The following TCF4 variants were observed in gnomAD, a reference collection of about 807,000 sequenced individuals.
TCF4 encodes SL3-3 enhancer factor 2.
A neutral mutation model predicts 82.1 loss-of-function variants in TCF4; 3 were observed. That is an observed-to-expected ratio of 0.04 (90% CI 0.02 to 0.09). The LOEUF (loss-of-function observed/expected upper bound fraction) is 0.09. Among genes scored for constraint, TCF4 ranks in the 10% least tolerant of loss-of-function variants. The probability of loss-of-function intolerance (pLI) is 1.00; values close to 1 mark genes in which losing one functional copy is unlikely to be tolerated. For synonymous variants in TCF4, 276 were observed against 309.6 expected (o/e 0.89, Z 1.14); for missense variants, 518 against 852.7 (o/e 0.61, Z 4.89).
At chr18:55,503,536 G>A (rs1242506040) in intron 3 of TCF4, among the ~76,000 whole-genome samples, 1 of 152,184 alleles carries the variant, frequency 6.6e-6, no homozygotes, top group East Asian at 1.9e-4. Flanking sequence ...TCTACTGACA[G>A]CATCCAGATC....
chr18:55,291,015 T>C (rs2146592488), intron 8 of TCF4, among the ~76,000 whole-genome samples: 1 of 152,302 alleles, frequency 6.6e-6, no homozygotes, highest in East Asian at 1.9e-4. Context: ...TCAAAAGGAC[T>C]TTTCTCATCC....
intron 8 of TCF4, among the ~76,000 whole-genome samples, chr18:55,330,896 T>G (rs2077460630): frequency 6.6e-6 from 1 of 152,200 alleles, no homozygotes; most frequent in African/African-American, 2.4e-5. Flanking sequence ...CCTGCATAAG[T>G]TCTAGCTTTG....
At chr18:55,276,467 G>A (rs1013087498) in intron 9 of TCF4, among the ~76,000 whole-genome samples, 1 of 151,978 alleles carries the variant, frequency 6.6e-6, no homozygotes, top group Non-Finnish European at 1.5e-5. Flanking sequence ...GAATTATAGA[G>A]GTTTAAAATT....
intron 2 of TCF4, among the ~76,000 whole-genome samples, chr18:55,595,143 C>T (rs767849674): frequency 1.3e-5 from 2 of 152,206 alleles, no homozygotes; most frequent in Non-Finnish European, 2.9e-5. Flanking sequence ...TTCTCTGAGG[C>T]TGCCACTAAA....
rs1014621737 is a variant in TCF4, at chr18:55,445,182, C to G, written c.304+15837G>C. Among the ~76,000 whole-genome samples, 5 of 152,114 alleles carry G rather than the reference C, an allele frequency of 3.3e-5. No homozygotes were observed. In the South Asian group the frequency reaches 1.0e-3, roughly 31 times the overall value. On this transcript the variant is annotated intron_variant, in intron 5 of 19. Transcript: ENST00000354452. ...CAATCCTTGAGTAGTTTACCACACG[C>G]TTCATTGAAAATCTGACATCTTCCA... is the stretch of plus-strand genomic sequence containing the variant.
rs1001550613 is a variant in TCF4 at position 55,585,192 on chromosome 18, G to T, written c.145+88C>A. The stretch of plus-strand genomic sequence containing the variant: ...AGGCTAAAATTCAATGACTTTTTCA[G>T]AACTCTTCAACAGAGCCAAAAACAT... On this transcript the variant is annotated intron_variant, in intron 3 of 19. Transcript: ENST00000354452. 6 of 1,234,504 alleles carry T rather than the reference G, an allele frequency of 4.9e-6. No individual in the cohort carries two copies. The African/African-American group carries it at 8.9e-5, about 18-fold the overall frequency. 76.5% of individuals were successfully genotyped at this position (1,234,504 alleles called of 1,614,324 possible). A position where few individuals can be genotyped will look rare whatever the true frequency, so the allele number is the denominator to read the frequency against.
At chr18:55,232,853 T>C (rs2048293954) in intron 16 of TCF4, among the ~76,000 whole-genome samples, 182 bp from the exon 17 acceptor site, 1 of 152,262 alleles carries the variant, frequency 6.6e-6, no homozygotes, top group African/African-American at 2.4e-5. Flanking sequence ...TTTCCCTGCA[T>C]TGGCTCTAAG....
At chr18:55,395,636 C>T (rs1260730171) in intron 6 of TCF4, among the ~76,000 whole-genome samples, 1 of 152,180 alleles carries the variant, frequency 6.6e-6, no homozygotes, top group African/African-American at 2.4e-5. Flanking sequence ...TAAGAACCTG[C>T]TAAAGGTATT....
intron 3 of TCF4, among the ~76,000 whole-genome samples, chr18:55,523,074 A>G (rs1008271706): frequency 6.6e-6 from 1 of 152,078 alleles, no homozygotes; most frequent in African/African-American, 2.4e-5. Context: ...TAAACTTGAT[A>G]ATCTCTTTGA....
chr18:55,234,615 C>G lies in TCF4; in HGVS notation c.1419G>C (p.Pro473=), dbSNP rs143944746. 4,018 of 1,614,066 alleles carry G rather than the reference C, an allele frequency of 2.5e-3. 12 individuals are homozygous for G. The highest frequency in any genetic ancestry group is 2.6e-3 in the Non-Finnish European group (3,118 of 1,180,010). ...GSHSLLPNQV[P]VPQLPVQSAT... Reference sequence around the variant, plus strand: ...CAGACTGGACAGGAAGCTGTGGAACCGGAACCTGGTTTGGCAGAAGAGAAT... The same window carrying G: ...CAGACTGGACAGGAAGCTGTGGAACGGGAACCTGGTTTGGCAGAAGAGAAT... Residue 473 remains proline (P), a synonymous_variant, in exon 16 of 20, where the codon CCG becomes CCC. Transcript: ENST00000354452.
chr18:55,393,851 C>A (rs2093329159), intron 6 of TCF4, among the ~76,000 whole-genome samples: 2 of 152,160 alleles, frequency 1.3e-5, no homozygotes, highest in African/African-American at 4.8e-5. Context: ...AAGAGGTCTG[C>A]AATATGATCT....
intron 3 of TCF4, among the ~76,000 whole-genome samples, chr18:55,490,019 A>T (rs2096559518): frequency 6.6e-6 from 1 of 152,226 alleles, no homozygotes; most frequent in African/African-American, 2.4e-5. Flanking sequence ...TTAATGACAC[A>T]TGAAGAATTA....
chr18:55,345,922 T>G (rs1309968095), intron 8 of TCF4, among the ~76,000 whole-genome samples: 1 of 152,192 alleles, frequency 6.6e-6, no homozygotes, highest in African/African-American at 2.4e-5. Context: ...CTGAGTTCAG[T>G]ACTGATTTTT....
At chr18:55,276,068 T>TA (rs1196621600) in intron 9 of TCF4, among the ~76,000 whole-genome samples, 1 of 152,184 alleles carries the variant, frequency 6.6e-6, no homozygotes, top group East Asian at 1.9e-4. Context: ...AGAAGTCTTC[T>TA]AACTGTTTTT....
chr18:55,593,187 C>T (rs1345596264), upstream of TCF4, among the ~76,000 whole-genome samples: 1 of 152,108 alleles, frequency 6.6e-6, no homozygotes, highest in African/African-American at 2.4e-5. Context: ...ATACTCAGAA[C>T]AGCACAGACA....
At position 55,512,080 on chromosome 18, in the gene TCF4, C is replaced by T. The variant is rs959515270; in HGVS notation, c.146-47943G>A. On this transcript the variant is annotated intron_variant, in intron 3 of 19. Coordinates refer to ENST00000354452, the MANE Select transcript of TCF4 (RefSeq NM_001083962.2). Reference sequence around the variant, plus strand: ...AAAAGAACACAACCAGATACTATGTCGACTACCACGTTAATAAGATAAAAA... The same window carrying T: ...AAAAGAACACAACCAGATACTATGTTGACTACCACGTTAATAAGATAAAAA... Among the ~76,000 whole-genome samples, 8 of 152,078 alleles carry T rather than the reference C, an allele frequency of 5.3e-5. No individual in the cohort carries two copies. The East Asian group carries it at 5.8e-4, about 11-fold the overall frequency.
At chr18:55,454,528 A>G (rs749488295) in intron 5 of TCF4, among the ~76,000 whole-genome samples, 4 of 152,196 alleles carry the variant, frequency 2.6e-5, no homozygotes, top group Non-Finnish European at 4.4e-5. Flanking sequence ...CAACTTAATG[A>G]GTTATTATTT....
At chr18:55,576,076 A>T (rs993441408) in intron 3 of TCF4, among the ~76,000 whole-genome samples, 11 of 152,284 alleles carry the variant, frequency 7.2e-5, no homozygotes, top group Middle Eastern at 3.4e-3. Context: ...ATTCCTTTTT[A>T]AAAAATGTGA....
chr18:55,261,602 C>A, intron 11 of TCF4, 69 bp from the exon 12 acceptor site: 1 of 1,522,024 alleles, frequency 6.6e-7, no homozygotes, highest in Non-Finnish European at 9.1e-7. Flanking sequence ...ATTCCTGGTC[C>A]ATTTACTCAC....
Sources: allele counts gnomAD v4.1 joint callset (sites outside exome capture counted in the v4.1 genomes callset), GRCh38; gene constraint gnomAD v4.1.1; transcripts MANE v1.5; gene names NCBI Gene and HGNC (gene_info 2026-07-23, HGNC 2026-07-21).